DNM3: variants seen among roughly 807,000 people sequenced by gnomAD.
DNM3 encodes the protein dynamin-3.
DNM3 carries 47 observed loss-of-function variants against 101.6 expected under a neutral mutation model. The ratio of observed to expected loss-of-function variants is 0.46; its 90% CI spans 0.37 to 0.59. DNM3 has a LOEUF of 0.59. DNM3 is among the 20% of genes least tolerant of loss of function. The pLI, the probability that DNM3 is intolerant of heterozygous loss-of-function variation, is 0.00. For synonymous variants in DNM3, 385 were observed against 387.9 expected (o/e 0.99, Z 0.09); for missense variants, 849 against 1,085.7 (o/e 0.78, Z 3.06).
At chr1:171,917,527 A>G (rs1176065896) in intron 1 of DNM3, among the ~76,000 whole-genome samples, 1 of 152,202 alleles carries the variant, frequency 6.6e-6, no homozygotes, top group Non-Finnish European at 1.5e-5. Flanking sequence ...AGCTGTTAAC[A>G]CTGAAGATTA....
At chr1:171,965,974 A>T (rs890458505) in intron 2 of DNM3, among the ~76,000 whole-genome samples, 1 of 152,112 alleles carries the variant, frequency 6.6e-6, no homozygotes, top group South Asian at 2.1e-4. Context: ...AACAAACGAT[A>T]CTTCTGTCAT....
chr1:172,279,430 A>G (rs983509874), intron 15 of DNM3, among the ~76,000 whole-genome samples: 1 of 152,200 alleles, frequency 6.6e-6, no homozygotes, highest in Admixed American at 6.5e-5. Flanking sequence ...CAATATCATC[A>G]ATCTTGATTT....
intron 13 of DNM3, among the ~76,000 whole-genome samples, chr1:172,123,952 C>T (rs866903397): frequency 6.6e-6 from 1 of 152,152 alleles, no homozygotes; most frequent in Non-Finnish European, 1.5e-5. Context: ...TGGGCATCCT[C>T]TTAGCACCAC....
intron 4 of DNM3, among the ~76,000 whole-genome samples, chr1:171,993,498 C>CTTTTTTTTTTTTTTTTTT (rs145178902): frequency 2.3e-5 from 3 of 128,692 alleles, no homozygotes; most frequent in African/African-American, 5.9e-5. Flanking sequence ...TTTCAAGATT[C>CTTTTTTTTTTTTTTTTTT]TTTTTTTTTT....
intron 4 of DNM3, among the ~76,000 whole-genome samples, chr1:172,004,237 G>A (rs571413035): frequency 6.6e-6 from 1 of 151,946 alleles, no homozygotes; most frequent in Non-Finnish European, 1.5e-5. Context: ...ATAAAGAGAA[G>A]AAAGAAAAAT....
intron 14 of DNM3, among the ~76,000 whole-genome samples, chr1:172,224,849 G>C (rs1272568695): frequency 6.6e-6 from 1 of 152,174 alleles, no homozygotes; most frequent in Non-Finnish European, 1.5e-5. Flanking sequence ...CAGGGTGCGA[G>C]CCCAGGATCC....
At chr1:172,162,089 C>T (rs1388781736) in intron 14 of DNM3, among the ~76,000 whole-genome samples, 1 of 151,960 alleles carries the variant, frequency 6.6e-6, no homozygotes, top group African/African-American at 2.4e-5. Flanking sequence ...ATTCATTCAA[C>T]AAATATATAT....
At chr1:172,059,584 A>G (rs1204632819) in intron 10 of DNM3, among the ~76,000 whole-genome samples, 5 of 83,878 alleles carry the variant, frequency 6.0e-5, no homozygotes, top group African/African-American at 5.6e-5. Context: ...AACAGAACCA[A>G]AGACAAAAAC....
chr1:172,328,894 G>C (rs556711090), intron 17 of DNM3, among the ~76,000 whole-genome samples: 5 of 152,142 alleles, frequency 3.3e-5, no homozygotes, highest in African/African-American at 1.2e-4. Flanking sequence ...TTCCCAGGCT[G>C]GTCTTGGACT....
intron 1 of DNM3, among the ~76,000 whole-genome samples, chr1:171,847,904 G>GTA (rs1558159001): frequency 4.7e-4 from 71 of 151,302 alleles, no homozygotes; most frequent in African/African-American, 1.6e-3. Flanking sequence ...CTCTGTGTGT[G>GTA]TGTGTGTGTG....
intron 12 of DNM3, among the ~76,000 whole-genome samples, chr1:172,084,467 G>T (rs1051113883): frequency 2.0e-5 from 3 of 152,074 alleles, no homozygotes; most frequent in Non-Finnish European, 4.4e-5. Flanking sequence ...GTGATATTTT[G>T]CCCCAAGACT....
At chr1:172,136,828 T>C (rs1426247362) in intron 14 of DNM3, 2 of 152,140 alleles carry the variant, frequency 1.3e-5, no homozygotes, top group African/African-American at 4.8e-5. Context: ...ATCCTTTATA[T>C]TACCCTTTCC....
At chr1:171,961,706 C>A (rs2043221327) in intron 2 of DNM3, among the ~76,000 whole-genome samples, 1 of 152,080 alleles carries the variant, frequency 6.6e-6, no homozygotes, top group South Asian at 2.1e-4. Flanking sequence ...AAACTGTGTC[C>A]ATCCACAGAT....
chr1:172,261,300 T>C lies in DNM3; in HGVS notation c.1769+7618T>C, dbSNP rs186491631. 5.0e-4 allele frequency among the ~76,000 whole-genome samples: 76 copies of C among 152,348 alleles called. No homozygotes were observed. In the East Asian group the frequency reaches 0.011, roughly 22 times the overall value. On this transcript the variant is annotated intron_variant, in intron 15 of 20. Coordinates refer to ENST00000627582, the MANE Select transcript of DNM3 (RefSeq NM_015569.5). ...GGAGAACTCTTTTCTGACATGTATCTATGGTATTGGTTGGGTAGGGTACTT... is the reference window on the plus strand; with the variant it reads ...GGAGAACTCTTTTCTGACATGTATCCATGGTATTGGTTGGGTAGGGTACTT...
intron 4 of DNM3, among the ~76,000 whole-genome samples, chr1:172,006,153 C>T (rs994979983): frequency 6.6e-6 from 1 of 152,030 alleles, no homozygotes; most frequent in African/African-American, 2.4e-5. Context: ...AAGTCCACAG[C>T]AGTGGTGGGT....
At position 172,047,525 on chromosome 1, in the gene DNM3, A is replaced by G. The variant is rs534080509; in HGVS notation, c.1197-1087A>G. ...TTGACTGAAACATAGGGTACGTGAA[A>G]GGTGAGGAGAAAAATAACTGTGAAG... On this transcript the variant is annotated intron_variant, in intron 9 of 20. Transcript: ENST00000627582. Among the ~76,000 whole-genome samples the G allele has an allele frequency of 7.2e-5, 11 of 152,340 alleles. No homozygotes were observed. The East Asian group carries it at 1.7e-3, about 24-fold the overall frequency.
chr1:172,214,935 G>A (rs1047451486), intron 14 of DNM3, among the ~76,000 whole-genome samples: 8 of 152,064 alleles, frequency 5.3e-5, no homozygotes, highest in Non-Finnish European at 1.2e-4. Context: ...GTAAAGTGCC[G>A]AAGTAATTGA....
intron 17 of DNM3, among the ~76,000 whole-genome samples, chr1:172,339,819 T>G (rs1306047776): frequency 2.6e-5 from 4 of 152,186 alleles, no homozygotes; most frequent in Non-Finnish European, 5.9e-5. Flanking sequence ...ACTAAGTCAG[T>G]CATGATTTCT....
At chr1:172,345,893 G>A (rs530401020) in intron 17 of DNM3, among the ~76,000 whole-genome samples, 1 of 152,056 alleles carries the variant, frequency 6.6e-6, no homozygotes, top group Admixed American at 6.6e-5. Flanking sequence ...TTAGCAGCCG[G>A]GCGGATCACG....
Sources: allele counts gnomAD v4.1 joint callset (sites outside exome capture counted in the v4.1 genomes callset), GRCh38; gene constraint gnomAD v4.1.1; transcripts MANE v1.5; gene names NCBI Gene and HGNC (gene_info 2026-07-23, HGNC 2026-07-21).